Variants in FAM3B observed in about 807,000 individuals in gnomAD.
FAM3B encodes the protein FAM3 metabolism regulating signaling molecule B.
Under a neutral mutation model 28.4 loss-of-function variants are expected in FAM3B, and 29 were observed. That is an observed-to-expected ratio of 1.02 (90% CI 0.76 to 1.39). The LOEUF is 1.39. Ranked by LOEUF, FAM3B falls within the 40% of genes most tolerant of loss-of-function variation. FAM3B has a pLI of 0.00. For missense variants in FAM3B, 266 were observed against 293.9 expected (o/e 0.91, Z 0.69); for synonymous variants, 91 against 103.0 (o/e 0.88, Z 0.71).
At position 41,357,725 on chromosome 21, in the gene FAM3B, G is replaced by T. The variant is rs1295480861; in HGVS notation, c.*528G>T. 6.6e-6 allele frequency among the ~76,000 whole-genome samples: 1 copy of T among 152,096 alleles called. No homozygotes were observed. Among genetic ancestry groups the T allele is most frequent in the African/African-American group, 2.4e-5 (1 of 41,392 alleles). On this transcript the variant is annotated 3_prime_UTR_variant, in exon 8 of 8. Coordinates refer to ENST00000357985, the MANE Select transcript of FAM3B (RefSeq NM_058186.4). ...GTATTCATTCATTCCACAACTCTGG[G>T]TGCCTCCCACGTCTGGCACCGGGGG...
In FAM3B at chr21:41,327,468, T is replaced by C. The variant is rs569699073; in HGVS notation, c.163+4402T>C. On this transcript the variant is annotated intron_variant, in intron 2 of 7. Transcript: ENST00000357985. Reference sequence around the variant, plus strand: ...GAGAAATATGAGGACCAGATATTTATACCAGTTTAGTTGCAAAGAGACCCT... The same window carrying C: ...GAGAAATATGAGGACCAGATATTTACACCAGTTTAGTTGCAAAGAGACCCT... 3.2e-4 allele frequency among the ~76,000 whole-genome samples: 49 copies of C among 152,366 alleles called. 2 individuals carry two copies. In the South Asian group the frequency reaches 9.9e-3, roughly 31 times the overall value.
intron 1 of FAM3B, among the ~76,000 whole-genome samples, chr21:41,307,163 T>C (rs9976965): frequency 0.21 from 32,514 of 152,198 alleles, 3,953 homozygotes; most frequent in East Asian, 0.54. Flanking sequence ...AGACATTCTG[T>C]AGCTTCTGCA....
chr21:41,329,160 A>G (rs2088881912), intron 2 of FAM3B, among the ~76,000 whole-genome samples: 1 of 152,234 alleles, frequency 6.6e-6, no homozygotes, highest in Admixed American at 6.5e-5. Flanking sequence ...ATTTTCGTGT[A>G]TACAATACAG....
intron 1 of FAM3B, among the ~76,000 whole-genome samples, chr21:41,305,913 T>C (rs962528262): frequency 7.2e-5 from 11 of 152,242 alleles, no homozygotes; most frequent in South Asian, 2.1e-4. Context: ...CTCTGTAGCA[T>C]GCAATGTTGT....
chr21:41,329,816 C>T (rs1345262418), intron 2 of FAM3B, among the ~76,000 whole-genome samples: 1 of 152,082 alleles, frequency 6.6e-6, no homozygotes, highest in Non-Finnish European at 1.5e-5. Context: ...GTGATCCGCC[C>T]ACCTCAGCCT....
At chr21:41,344,080 A>G (rs370467445) in intron 3 of FAM3B, among the ~76,000 whole-genome samples, 17 of 152,212 alleles carry the variant, frequency 1.1e-4, no homozygotes, top group African/African-American at 3.9e-4. Context: ...CGATTGCACA[A>G]CTGCACTCCA....
intron 7 of FAM3B, among the ~76,000 whole-genome samples, chr21:41,352,896 A>T (rs2089134645): frequency 1.3e-5 from 2 of 152,210 alleles, no homozygotes; most frequent in African/African-American, 4.8e-5. Context: ...TGCAAAAGTA[A>T]TTGCACCAAC....
intron 2 of FAM3B, among the ~76,000 whole-genome samples, chr21:41,325,891 A>G (rs1274939889): frequency 1.3e-5 from 2 of 152,160 alleles, no homozygotes; most frequent in African/African-American, 4.8e-5. Flanking sequence ...CAGCTATTGT[A>G]TTATAAACCA....
intron 1 of FAM3B, chr21:41,320,914 T>C (rs1286639434): frequency 6.6e-6 from 1 of 152,226 alleles, no homozygotes; most frequent in Non-Finnish European, 1.5e-5. Flanking sequence ...CACATGTTTG[T>C]TTTTGTTCAG....
At chr21:41,335,540 C>T (rs749324347) in intron 2 of FAM3B, among the ~76,000 whole-genome samples, 25 of 152,288 alleles carry the variant, frequency 1.6e-4, no homozygotes, top group Admixed American at 5.2e-4. Context: ...GCCATGCTCC[C>T]GCTTTGCCTT....
At position 41,335,325 on chromosome 21, in the gene FAM3B, C is replaced by A. The variant is rs942335726; in HGVS notation, c.164-3053C>A. Among the ~76,000 whole-genome samples, 6 of 152,184 alleles carry A rather than the reference C, an allele frequency of 3.9e-5. No homozygotes were observed. In the East Asian group the frequency reaches 7.7e-4, roughly 20 times the overall value. On this transcript the variant is annotated intron_variant, in intron 2 of 7. Transcript: ENST00000357985. ...ATGTGATTTGCATTTGTGTCCCCAG[C>A]AAAATCTCATGTCAAATTTTGCTCC...
rs1466511730 is a variant in FAM3B at position 41,357,590 on chromosome 21, C to T, written c.*393C>T. Reference sequence around the variant, plus strand: ...TTATCACCAAGCACCTCCTAGTTTCCGACAGTCATCTCCTTCTGCTGGGAG... The same window carrying T: ...TTATCACCAAGCACCTCCTAGTTTCTGACAGTCATCTCCTTCTGCTGGGAG... On this transcript the variant is annotated 3_prime_UTR_variant, in exon 8 of 8. Transcript: ENST00000357985. Among the ~76,000 whole-genome samples, 1 of 152,140 alleles carries T rather than the reference C, an allele frequency of 6.6e-6. No homozygotes were observed. The highest frequency in any genetic ancestry group is 1.5e-5 in the Non-Finnish European group (1 of 68,022).
At chr21:41,342,871 C>T (rs1013263380) in intron 3 of FAM3B, among the ~76,000 whole-genome samples, 3 of 152,142 alleles carry the variant, frequency 2.0e-5, no homozygotes, top group African/African-American at 4.8e-5. Flanking sequence ...TTTTTCCTCA[C>T]GTGTCAGGTT....
At chr21:41,351,820 C>T (rs2089122938) in intron 7 of FAM3B, among the ~76,000 whole-genome samples, 1 of 152,186 alleles carries the variant, frequency 6.6e-6, no homozygotes, top group Non-Finnish European at 1.5e-5. Context: ...AAGATTATTC[C>T]ATCCAACCTC....
upstream of FAM3B, among the ~76,000 whole-genome samples, chr21:41,313,688 C>G (rs111502257): frequency 3.1e-4 from 41 of 132,886 alleles, no homozygotes; most frequent in South Asian, 8.3e-4. Context: ...TGAACCTCAT[C>G]ATACAGTATG....
At chr21:41,322,588 G>T (rs1006992449) in intron 1 of FAM3B, 3 of 717,230 alleles carry the variant, frequency 4.2e-6, no homozygotes, top group African/African-American at 1.7e-5. Context: ...GTTTTTTCAG[G>T]TTCACGTTGG....
At chr21:41,338,085 A>G in intron 2 of FAM3B, among the ~76,000 whole-genome samples, 1 of 152,058 alleles carries the variant, frequency 6.6e-6, no homozygotes, top group African/African-American at 2.4e-5. Flanking sequence ...CCCACCAAGA[A>G]TGTCACAATG....
intron 3 of FAM3B, among the ~76,000 whole-genome samples, chr21:41,339,822 G>T (rs2088987929): frequency 6.6e-6 from 1 of 152,226 alleles, no homozygotes; most frequent in Non-Finnish European, 1.5e-5. Context: ...TGGGAGGTAA[G>T]AAGAGAAAGG....
At chr21:41,350,106 G>C (rs1429211675) in intron 7 of FAM3B, among the ~76,000 whole-genome samples, 1 of 152,224 alleles carries the variant, frequency 6.6e-6, no homozygotes, top group Non-Finnish European at 1.5e-5. Flanking sequence ...TGAAGCCGGG[G>C]CTTACGGTCC....
Sources: gnomAD v4.1 joint callset for allele counts (sites outside exome capture counted in the v4.1 genomes callset) on GRCh38, gnomAD v4.1.1 for gene constraint, MANE v1.5 for transcripts, NCBI Gene and HGNC (gene_info 2026-07-23, HGNC 2026-07-21) for gene names.